ATP6V1F: variants seen among roughly 807,000 people sequenced by gnomAD.
ATP6V1F encodes ATPase H+ transporting V1 subunit F.
Under a neutral mutation model 6.6 loss-of-function variants are expected in ATP6V1F, and 4 were observed. The observed-to-expected ratio is 0.60, with a 90% CI of 0.30 to 1.38. The LOEUF is 1.38. Among genes scored for constraint, ATP6V1F ranks in the 40% most tolerant of loss-of-function variants. The pLI is 0.08. For synonymous variants in ATP6V1F, 68 were observed against 66.9 expected, an observed-to-expected ratio of 1.02 and a Z score of -0.08; for missense variants, 136 against 165.5, an observed-to-expected ratio of 0.82 and a Z score of 0.98.
chr7:128,862,861 A>G lies in ATP6V1F; in HGVS notation c.-44A>G. On this transcript the variant is annotated 5_prime_UTR_variant, in exon 1 of 2. Transcript: ENST00000249289. ...CGCCGTACGGCGGAGGCGGGGTTTC[A>G]GTGGCTTCTGGTGCTCTAGGGTGAG... is the stretch of plus-strand genomic sequence containing the variant. 7.4e-6 allele frequency: 11 copies of G among 1,483,906 alleles called. No homozygotes were observed. Among genetic ancestry groups the G allele is most frequent in the Non-Finnish European group, 9.9e-6 (11 of 1,115,552 alleles). 91.9% of individuals were successfully genotyped at this position (1,483,906 alleles called of 1,614,324 possible).
intron 1 of ATP6V1F, 36 bp downstream of exon 1, chr7:128,863,098 G>C (rs767114775): frequency 6.3e-7 from 1 of 1,593,680 alleles, no homozygotes; most frequent in Non-Finnish European, 8.5e-7. Context: ...GGGCCCTTCT[G>C]CTGCTCGGTG....
At chr7:128,863,560 C>T (rs78520291) in intron 1 of ATP6V1F, among the ~76,000 whole-genome samples, 2,000 of 152,286 alleles carry the variant, frequency 0.013, 21 homozygotes, top group Non-Finnish European at 0.018. Flanking sequence ...TCGGAATTTC[C>T]TTGTAGTCTT....
Position 128,865,377 on chromosome 7 carries a change from G to A in ATP6V1F, c.159G>A (p.Arg53=). Residue 53 remains arginine (R), a splice_region_variant and synonymous_variant, in exon 2 of 2, where the codon CGG becomes CGA. Transcript: ENST00000249289. This position sits in a 1 kb window ranked among gnomAD's most constrained non-coding sequence, Gnocchi z 4.4. Reference sequence around the variant, plus strand: ...ACTCCCTTCTCATCTCTCCCCACAGGCAATTTCTAAACCGGGATGACATTG... The same window carrying A: ...ACTCCCTTCTCATCTCTCCCCACAGACAATTTCTAAACCGGGATGACATTG... The part of the protein sequence containing the change: ...TTINEIEDTF[R]QFLNRDDIGI... The A allele has an allele frequency of 6.2e-7, 1 of 1,614,044 alleles. No individual in the cohort carries two copies. The highest frequency in any genetic ancestry group is 8.5e-7 in the Non-Finnish European group (1 of 1,180,012).
chr7:128,864,865 A>T (rs1809353937), intron 1 of ATP6V1F: 2 of 325,442 alleles, frequency 6.1e-6, no homozygotes, highest in East Asian at 1.2e-4. Context: ...ATATAGATAG[A>T]GAGAGAGAGA....
chr7:128,865,002 C>A lies in ATP6V1F; in HGVS notation c.159-375C>A. On this transcript the variant is annotated intron_variant, in intron 1 of 1. Coordinates refer to ENST00000249289, the MANE Select transcript of ATP6V1F (RefSeq NM_004231.4). This position sits in a 1 kb window ranked among gnomAD's most constrained non-coding sequence, Gnocchi z 4.4. ...ACAGGCGTGAGCCATCACAGCTGGC[C>A]TTCAGTATCTGCACATAAAAAGGGA... is the stretch of plus-strand genomic sequence containing the variant. The A allele has an allele frequency of 1.1e-6, 1 of 900,878 alleles. No homozygotes were observed. The highest frequency in any genetic ancestry group is 1.7e-6 in the Non-Finnish European group (1 of 577,746). 55.8% of individuals were successfully genotyped at this position (900,878 alleles called of 1,614,324 possible).
chr7:128,863,136 C>T (rs1809306353), intron 1 of ATP6V1F, 74 bp downstream of exon 1: 3 of 1,537,494 alleles, frequency 2.0e-6, no homozygotes, highest in Non-Finnish European at 2.6e-6. Context: ...GGAGGCTGCC[C>T]GGACGGGGGT....
In ATP6V1F at chr7:128,865,572, G is replaced by A; in HGVS notation, c.354G>A (p.Leu118=). The A allele has an allele frequency of 6.2e-7, 1 of 1,613,412 alleles. No individual in the cohort carries two copies. Among genetic ancestry groups the A allele is most frequent in the Non-Finnish European group, 8.5e-7 (1 of 1,179,702 alleles). The change falls in exon 2 of 2, where the codon CTG becomes CTA. Residue 118 remains leucine (L), a synonymous_variant. Coordinates refer to ENST00000249289, the MANE Select transcript of ATP6V1F (RefSeq NM_004231.4). The surrounding 1 kb of genome is among the most constrained non-coding windows in gnomAD (Gnocchi z 4.4). ...GGGGCATGTTCACTGCCGAAGACCT[G>A]CGCTAGGGGACTCCTCATAGCCCTC... ...RARGMFTAED[L]R
chr7:128,865,766 C>T lies in ATP6V1F; in HGVS notation c.*188C>T. On this transcript the variant is annotated 3_prime_UTR_variant, in exon 2 of 2. Coordinates refer to ENST00000249289, the MANE Select transcript of ATP6V1F (RefSeq NM_004231.4). The surrounding 1 kb of genome is among the most constrained non-coding windows in gnomAD (Gnocchi z 4.4). ...GTTAAGGAACAGGAAGCCTGACCAT[C>T]TCCCTCCACTACCTCTTCCCTGTGC... 1.6e-6 allele frequency: 1 copy of T among 609,846 alleles called. No individual in the cohort carries two copies. Among genetic ancestry groups the T allele is most frequent in the South Asian group, 2.0e-5 (1 of 49,870 alleles). The allele number at this position is 609,846 out of a possible 1,614,324, so 37.8% of individuals were successfully genotyped here.
In ATP6V1F at chr7:128,865,312, G is replaced by T; in HGVS notation, c.159-65G>T. ...CCAGCCCAACAACTCGGAGAGGGCT[G>T]CCTGGGTAGGAGAGACGGCAGCCCC... is the stretch of plus-strand genomic sequence containing the variant. On this transcript the variant is annotated intron_variant, in intron 1 of 1. Transcript: ENST00000249289. This position sits in a 1 kb window ranked among gnomAD's most constrained non-coding sequence, Gnocchi z 4.4. The T allele has an allele frequency of 6.2e-7, 1 of 1,601,356 alleles. No homozygotes were observed. Among genetic ancestry groups the T allele is most frequent in the Non-Finnish European group, 8.5e-7 (1 of 1,170,866 alleles).
rs1809363779 is a variant in ATP6V1F at position 128,865,213 on chromosome 7, A to C, written c.159-164A>C. 3.2e-6 allele frequency: 5 copies of C among 1,540,170 alleles called. No homozygotes were observed. The highest frequency in any genetic ancestry group is 4.4e-6 in the Non-Finnish European group (5 of 1,147,072). On this transcript the variant is annotated intron_variant, in intron 1 of 1. Coordinates refer to ENST00000249289, the MANE Select transcript of ATP6V1F (RefSeq NM_004231.4). This position sits in a 1 kb window ranked among gnomAD's most constrained non-coding sequence, Gnocchi z 4.4. ...ATGAAATTGATTCTAGGTAGGGTTG[A>C]CAGAGGGTTGAGCGTGGCAGCCTTT...
At chr7:128,863,088 G>T in intron 1 of ATP6V1F, 26 bp downstream of exon 1, 2 of 1,597,414 alleles carry the variant, frequency 1.3e-6, no homozygotes, top group Non-Finnish European at 1.7e-6. Flanking sequence ...AGGCCTGAAC[G>T]GGCCCTTCTG....
chr7:128,865,126 T>A lies in ATP6V1F; in HGVS notation c.159-251T>A, dbSNP rs1180061616. 1.3e-6 allele frequency: 2 copies of A among 1,536,134 alleles called. No individual in the cohort carries two copies. The highest frequency in any genetic ancestry group is 2.7e-5 in the African/African-American group (2 of 73,058). ...AATCAATCTTCATTACCAGTTCACT[T>A]GGAAGCCTTCCGGGCAGTGTTGTAG... On this transcript the variant is annotated intron_variant, in intron 1 of 1. Coordinates refer to ENST00000249289, the MANE Select transcript of ATP6V1F (RefSeq NM_004231.4). This position sits in a 1 kb window ranked among gnomAD's most constrained non-coding sequence, Gnocchi z 4.4.
rs1476726143 is a variant in ATP6V1F, at chr7:128,865,194, T to G, written c.159-183T>G. ...CGTGACCCTCCGCTTTGGGATGAAATTGATTCTAGGTAGGGTTGACAGAGG... is the reference window on the plus strand; with the variant it reads ...CGTGACCCTCCGCTTTGGGATGAAAGTGATTCTAGGTAGGGTTGACAGAGG... On this transcript the variant is annotated intron_variant, in intron 1 of 1. Coordinates refer to ENST00000249289, the MANE Select transcript of ATP6V1F (RefSeq NM_004231.4). The surrounding 1 kb of genome is among the most constrained non-coding windows in gnomAD (Gnocchi z 4.4). 2 of 1,537,552 alleles carry G rather than the reference T, an allele frequency of 1.3e-6. No homozygotes were observed. Among genetic ancestry groups the G allele is most frequent in the African/African-American group, 2.7e-5 (2 of 73,010 alleles).
chr7:128,863,001 C>T lies in ATP6V1F; in HGVS notation c.97C>T (p.His33Tyr), dbSNP rs1809301400. ...CATAGGGGAGCTTAACAAGAACCGCCATCCCAATTTCCTGGTGGTGGAGAA... is the reference window on the plus strand; with the variant it reads ...CATAGGGGAGCTTAACAAGAACCGCTATCCCAATTTCCTGGTGGTGGAGAA... ...GGIGELNKNR[H>Y]PNFLVVEKDT... The change falls in exon 1 of 2, where the codon CAT (histidine) becomes TAT (tyrosine). Residue 33 changes from histidine to tyrosine, a missense_variant. Coordinates refer to ENST00000249289, the MANE Select transcript of ATP6V1F (RefSeq NM_004231.4). The T allele has an allele frequency of 6.2e-7, 1 of 1,613,592 alleles. No individual in the cohort carries two copies. Among genetic ancestry groups the T allele is most frequent in the Non-Finnish European group, 8.5e-7 (1 of 1,179,828 alleles).
chr7:128,865,671 C>T lies in ATP6V1F; in HGVS notation c.*93C>T. ...CTTTACTTTTTGAGCCTCTGATTTC[C>T]AATTCCCTGCTCCTTCCCACTCCAT... is the stretch of plus-strand genomic sequence containing the variant. On this transcript the variant is annotated 3_prime_UTR_variant, in exon 2 of 2. Coordinates refer to ENST00000249289, the MANE Select transcript of ATP6V1F (RefSeq NM_004231.4). The surrounding 1 kb of genome is among the most constrained non-coding windows in gnomAD (Gnocchi z 4.4). 1.5e-6 allele frequency: 2 copies of T among 1,324,912 alleles called. No individual in the cohort carries two copies. The highest frequency in any genetic ancestry group is 5.1e-5 in the East Asian group (2 of 39,600). 82.1% of individuals were successfully genotyped at this position (1,324,912 alleles called of 1,614,324 possible).
chr7:128,862,886 G>C lies in ATP6V1F; in HGVS notation c.-19G>C, dbSNP rs376648104. The C allele has an allele frequency of 1.9e-6, 3 of 1,573,106 alleles. No homozygotes were observed. Among genetic ancestry groups the C allele is most frequent in the African/African-American group, 1.4e-5 (1 of 73,724 alleles). On this transcript the variant is annotated 5_prime_UTR_variant, in exon 1 of 2. Coordinates refer to ENST00000249289, the MANE Select transcript of ATP6V1F (RefSeq NM_004231.4). ...AGTGGCTTCTGGTGCTCTAGGGTGAGCTCTGCCCGGCTGCAGGGATGGCGG... is the reference window on the plus strand; with the variant it reads ...AGTGGCTTCTGGTGCTCTAGGGTGACCTCTGCCCGGCTGCAGGGATGGCGG...
At chr7:128,864,081 C>T (rs1809329739) in intron 1 of ATP6V1F, among the ~76,000 whole-genome samples, 1 of 152,206 alleles carries the variant, frequency 6.6e-6, no homozygotes, top group Admixed American at 6.5e-5. Flanking sequence ...CAGTGGCTCA[C>T]GCCTGTAATC....
intron 1 of ATP6V1F, among the ~76,000 whole-genome samples, chr7:128,864,049 A>AAT (rs566848786): frequency 5.6e-4 from 85 of 152,318 alleles, no homozygotes; most frequent in Non-Finnish European, 1.1e-3. Context: ...TTAATCAGTA[A>AAT]ATAAACGAAT....
chr7:128,863,397 A>T (rs978901244), intron 1 of ATP6V1F, among the ~76,000 whole-genome samples: 2 of 152,084 alleles, frequency 1.3e-5, no homozygotes, highest in African/African-American at 4.8e-5. Flanking sequence ...TTTTTGTCCT[A>T]CTCACAGGTG....
Sources: gnomAD v4.1 joint callset for allele counts (sites outside exome capture counted in the v4.1 genomes callset) on GRCh38, gnomAD v4.1.1 for gene constraint, Gnocchi (gnomAD v3.1) non-coding constraint, MANE v1.5 for transcripts, NCBI Gene and HGNC (gene_info 2026-07-23, HGNC 2026-07-21) for gene names.